FAT4: variants seen among roughly 807,000 people sequenced by gnomAD.
The protein encoded by FAT4 is FAT atypical cadherin 4, also known as protocadherin Fat 4.
FAT4 carries 84 observed loss-of-function variants against 303.9 expected under a neutral mutation model. The observed-to-expected ratio is 0.28, with a 90% CI of 0.23 to 0.33. The LOEUF (loss-of-function observed/expected upper bound fraction) is 0.33, where lower values mean the gene tolerates loss of function less well. Among genes scored for constraint, FAT4 ranks in the 10% least tolerant of loss-of-function variants. FAT4 has a pLI of 1.00. For synonymous variants in FAT4, 2,307 were observed against 2,298.8 expected (o/e 1.00, Z -0.10); for missense variants, 6,005 against 6,146.8 (o/e 0.98, Z 0.77).
chr4:125,381,187 C>T (rs2125998916), intron 2 of FAT4, among the ~76,000 whole-genome samples: 1 of 152,236 alleles, frequency 6.6e-6, no homozygotes, highest in South Asian at 2.1e-4. Flanking sequence ...TAGTCAGTCT[C>T]TTGGTATGTG....
chr4:125,388,767 C>T (rs1412497163), intron 2 of FAT4, among the ~76,000 whole-genome samples: 1 of 152,130 alleles, frequency 6.6e-6, no homozygotes, highest in Non-Finnish European at 1.5e-5. Flanking sequence ...CACAACAAAA[C>T]TAGCTTTTTA....
intron 2 of FAT4, among the ~76,000 whole-genome samples, chr4:125,369,186 C>T (rs1053914363): frequency 9.2e-5 from 14 of 152,126 alleles, no homozygotes; most frequent in African/African-American, 3.1e-4. Context: ...AAGTGAGATG[C>T]AGTTTCAGGT....
chr4:125,351,092 T>G (rs184248715), intron 2 of FAT4, among the ~76,000 whole-genome samples: 77 of 151,864 alleles, frequency 5.1e-4, no homozygotes, highest in East Asian at 2.1e-3. Flanking sequence ...GTGATGTGAT[T>G]GATTGGTTAG....
At chr4:125,407,200 T>C in intron 4 of FAT4, 59 bp downstream of exon 4, 1 of 1,485,502 alleles carries the variant, frequency 6.7e-7, no homozygotes, top group Non-Finnish European at 9.2e-7. Context: ...CAAAATTACA[T>C]ACTATGTTTC....
In FAT4 at chr4:125,416,639, C is replaced by G; in HGVS notation, c.7018+17C>G. 6.2e-7 allele frequency: 1 copy of G among 1,610,800 alleles called. No individual in the cohort carries two copies. Among genetic ancestry groups the G allele is most frequent in the Non-Finnish European group, 8.5e-7 (1 of 1,178,098 alleles). ...CAGATTCAGGTAAGTCCATTACACC[C>G]TTGTTCATTTGTAGATAATTTCTAG... On this transcript the variant is annotated intron_variant, in intron 7 of 17. Transcript: ENST00000394329.
Position 125,316,267 on chromosome 4 carries a change from G to C in FAT4, c.-12-133G>C. On this transcript the variant is annotated intron_variant, in intron 1 of 17. Transcript: ENST00000394329. This position sits in a 1 kb window ranked among gnomAD's most constrained non-coding sequence, Gnocchi z 5.7. ...TTTGCTGATGCTACTTGCTTTTGCCGGACTGGAGGTTCTTTGAAATAGCAG... is the reference window on the plus strand; with the variant it reads ...TTTGCTGATGCTACTTGCTTTTGCCCGACTGGAGGTTCTTTGAAATAGCAG... 2 of 1,109,000 alleles carry C rather than the reference G, an allele frequency of 1.8e-6. No homozygotes were observed. Among genetic ancestry groups the C allele is most frequent in the Non-Finnish European group, 2.6e-6 (2 of 782,602 alleles). 68.7% of individuals were successfully genotyped at this position (1,109,000 alleles called of 1,614,324 possible).
rs1726092616 is a variant in FAT4, at chr4:125,451,882, T to C, written c.10872T>C (p.Asn3624=). 1.2e-6 allele frequency: 2 copies of C among 1,614,084 alleles called. No homozygotes were observed. Among genetic ancestry groups the C allele is most frequent in the Admixed American group, 1.7e-5 (1 of 60,014 alleles). ...SQSRTVEIFV[N]YYGNLFPGGI... ...CTCGGACGGTGGAGATATTTGTTAATTATTATGGTAACTTGTTTCCCGGTG... is the reference window on the plus strand; with the variant it reads ...CTCGGACGGTGGAGATATTTGTTAACTATTATGGTAACTTGTTTCCCGGTG... The change falls in exon 10 of 18, where the codon AAT becomes AAC. Residue 3624 remains asparagine, a synonymous_variant. Transcript: ENST00000394329.
chr4:125,464,311 T>C (rs1038042631), intron 11 of FAT4, among the ~76,000 whole-genome samples: 1 of 152,144 alleles, frequency 6.6e-6, no homozygotes, highest in Non-Finnish European at 1.5e-5. Context: ...ACTAAAAGAT[T>C]CCTTCCAGGT....
intron 10 of FAT4, among the ~76,000 whole-genome samples, chr4:125,459,823 A>C (rs2126068237): frequency 6.6e-6 from 1 of 152,218 alleles, no homozygotes; most frequent in South Asian, 2.1e-4. Context: ...TATTGTACCA[A>C]GAGCATGTTA....
At chr4:125,474,625 T>A (rs1234693194) in intron 12 of FAT4, among the ~76,000 whole-genome samples, 1 of 152,018 alleles carries the variant, frequency 6.6e-6, no homozygotes, top group African/African-American at 2.4e-5. Flanking sequence ...TTTAAGAATA[T>A]GTTAGCCAGT....
At chr4:125,395,133 G>A (rs906433729) in intron 2 of FAT4, among the ~76,000 whole-genome samples, 2 of 152,052 alleles carry the variant, frequency 1.3e-5, no homozygotes, top group African/African-American at 4.8e-5. Context: ...CTATGCTAAT[G>A]AGTTCAGATC....
intron 2 of FAT4, among the ~76,000 whole-genome samples, chr4:125,339,312 C>T (rs1456990130): frequency 6.6e-6 from 1 of 151,800 alleles, no homozygotes; most frequent in East Asian, 1.9e-4. Flanking sequence ...TCTCCTGCCT[C>T]AGCCTCCCGA....
intron 2 of FAT4, among the ~76,000 whole-genome samples, chr4:125,375,260 C>G (rs1317419781): frequency 1.3e-5 from 2 of 152,124 alleles, no homozygotes; most frequent in East Asian, 3.9e-4. Context: ...ATAGCAAGAA[C>G]GTTTTCACTG....
intron 8 of FAT4, among the ~76,000 whole-genome samples, chr4:125,440,577 G>T (rs1004076821): frequency 2.2e-5 from 3 of 138,532 alleles, no homozygotes; most frequent in Non-Finnish European, 4.6e-5. Flanking sequence ...TATTTTCTCA[G>T]TACTTGTGTG....
At chr4:125,407,708 T>C (rs1553713) in intron 4 of FAT4, among the ~76,000 whole-genome samples, 150,804 of 152,226 alleles carry the variant, frequency 0.99, 74,711 homozygotes, top group East Asian at 1. Context: ...AACTGAATCT[T>C]TAATTATAAT....
chr4:125,471,599 G>T (rs1438933355), intron 12 of FAT4, among the ~76,000 whole-genome samples: 3 of 151,968 alleles, frequency 2.0e-5, no homozygotes, highest in Admixed American at 6.6e-5. Flanking sequence ...TAGTATAATA[G>T]AATGGAATGG....
At chr4:125,374,482 A>C (rs547878675) in intron 2 of FAT4, among the ~76,000 whole-genome samples, 3 of 152,190 alleles carry the variant, frequency 2.0e-5, no homozygotes, top group Non-Finnish European at 2.9e-5. Context: ...GCTTCAACAG[A>C]AATAAATTAT....
intron 2 of FAT4, among the ~76,000 whole-genome samples, chr4:125,357,228 A>G (rs1349491761): frequency 6.6e-6 from 1 of 152,158 alleles, no homozygotes. Flanking sequence ...GTTATGAGAA[A>G]TAATAGAGTA....
At chr4:125,396,274 G>A (rs1038564082) in intron 2 of FAT4, among the ~76,000 whole-genome samples, 2 of 151,956 alleles carry the variant, frequency 1.3e-5, no homozygotes, top group African/African-American at 4.8e-5. Context: ...ATATGTGTGT[G>A]TAGGTGTGTA....
Sources: gnomAD v4.1 joint callset for allele counts (sites outside exome capture counted in the v4.1 genomes callset) on GRCh38, gnomAD v4.1.1 for gene constraint, Gnocchi (gnomAD v3.1) non-coding constraint, MANE v1.5 for transcripts, NCBI Gene and HGNC (gene_info 2026-07-23, HGNC 2026-07-21) for gene names.